Variants in COL23A1 observed in about 807,000 individuals in gnomAD.
COL23A1 encodes the protein collagen type XXIII alpha 1 chain.
COL23A1 carries 97 observed loss-of-function variants against 99.3 expected under a neutral mutation model. The ratio of observed to expected loss-of-function variants is 0.98; its 90% confidence interval spans 0.83 to 1.16. COL23A1 has a LOEUF of 1.16. Ranked by LOEUF, COL23A1 falls within the 50% of genes most tolerant of loss-of-function variation. The pLI is 0.00. For missense variants in COL23A1, 762 were observed against 757.4 expected (o/e 1.01, Z -0.07); for synonymous variants, 320 against 308.2 (o/e 1.04, Z -0.40).
At chr5:178,377,123 G>A (rs530441561) in intron 2 of COL23A1, among the ~76,000 whole-genome samples, 4 of 152,294 alleles carry the variant, frequency 2.6e-5, no homozygotes, top group East Asian at 1.9e-4. Context: ...GGGACTACGC[G>A]GGCCACGCAC....
At chr5:178,424,342 T>C (rs539864124) in intron 2 of COL23A1, among the ~76,000 whole-genome samples, 3 of 152,340 alleles carry the variant, frequency 2.0e-5, no homozygotes, top group Non-Finnish European at 4.4e-5. Context: ...GAATGTGAAA[T>C]TGGGCCTGCC....
chr5:178,243,538 A>C (rs1246465848), intron 25 of COL23A1, among the ~76,000 whole-genome samples: 1 of 151,950 alleles, frequency 6.6e-6, no homozygotes, highest in Non-Finnish European at 1.5e-5. Context: ...TGGATTCGAC[A>C]TGGTCCCTTG....
At chr5:178,408,942 C>T (rs371591249) in intron 2 of COL23A1, among the ~76,000 whole-genome samples, 16 of 116,576 alleles carry the variant, frequency 1.4e-4, no homozygotes, top group South Asian at 2.8e-4. Flanking sequence ...GCGACAAGAG[C>T]GAAACTCTGT....
At chr5:178,314,367 T>C (rs780133527) in intron 2 of COL23A1, among the ~76,000 whole-genome samples, 3 of 152,156 alleles carry the variant, frequency 2.0e-5, no homozygotes, top group Admixed American at 1.3e-4. Context: ...GGCACCGCCA[T>C]AGTCTTCGTC....
chr5:178,517,873 CTTTTTTTTTTTTTTTTTT>C (rs71577021), intron 2 of COL23A1, among the ~76,000 whole-genome samples: 3 of 97,736 alleles, frequency 3.1e-5, no homozygotes, highest in African/African-American at 1.5e-4. Flanking sequence ...AACAGCGGTT[CTTTTTTTTTTTTTTTTTT>C]TTTTTTTTTT....
chr5:178,441,324 A>G (rs977186207), intron 2 of COL23A1, among the ~76,000 whole-genome samples: 1 of 152,214 alleles, frequency 6.6e-6, no homozygotes, highest in African/African-American at 2.4e-5. Flanking sequence ...AAACTAATAC[A>G]TACACGTGCA....
chr5:178,454,467 G>T (rs1418287082), intron 2 of COL23A1, among the ~76,000 whole-genome samples: 1 of 152,208 alleles, frequency 6.6e-6, no homozygotes, highest in Non-Finnish European at 1.5e-5. Flanking sequence ...ATGCCAGGTG[G>T]GTGGGGGCAG....
At chr5:178,564,947 A>C (rs1322029006) in intron 1 of COL23A1, among the ~76,000 whole-genome samples, 2 of 152,396 alleles carry the variant, frequency 1.3e-5, no homozygotes, top group East Asian at 1.9e-4. Context: ...TAAGGGAATA[A>C]ATCAGCAGAA....
At chr5:178,538,151 G>A (rs1347902392) in intron 2 of COL23A1, among the ~76,000 whole-genome samples, 2 of 152,178 alleles carry the variant, frequency 1.3e-5, no homozygotes, top group East Asian at 1.9e-4. Flanking sequence ...AGGAGCTGAA[G>A]GGGAGATGTT....
At chr5:178,368,505 T>C (rs1207909117) in intron 2 of COL23A1, among the ~76,000 whole-genome samples, 1 of 152,156 alleles carries the variant, frequency 6.6e-6, no homozygotes, top group Non-Finnish European at 1.5e-5. Context: ...TCCTGTGGGT[T>C]TGGACGACTG....
At chr5:178,425,701 G>A (rs1765891630) in intron 2 of COL23A1, among the ~76,000 whole-genome samples, 1 of 152,232 alleles carries the variant, frequency 6.6e-6, no homozygotes, top group Non-Finnish European at 1.5e-5. Context: ...AAGCCGCGGT[G>A]AATGGCAGGC....
chr5:178,421,209 T>TAG (rs1170853019), intron 2 of COL23A1, among the ~76,000 whole-genome samples: 3 of 152,172 alleles, frequency 2.0e-5, no homozygotes, highest in African/African-American at 7.2e-5. Context: ...TTTGGAGATA[T>TAG]AGGTTGACCT....
At chr5:178,398,328 T>TA (rs1247346579) in intron 2 of COL23A1, among the ~76,000 whole-genome samples, 3 of 152,170 alleles carry the variant, frequency 2.0e-5, no homozygotes, top group Admixed American at 6.5e-5. Flanking sequence ...TTCTTTTTTT[T>TA]ATTTAAAAAA....
Position 178,358,711 on chromosome 5 carries a change from ATGTG to A in COL23A1, c.362-51796_362-51793del, listed in dbSNP as rs780096578. Among the ~76,000 whole-genome samples the A allele has an allele frequency of 4.3e-4, 60 of 139,568 alleles. 1 individual carries two copies. Among genetic ancestry groups the A allele is most frequent in the East Asian group, 1.7e-3 (8 of 4,634 alleles). The allele number at this position is 139,568 out of a possible 152,430, so 91.6% of individuals were successfully genotyped here. ...TGTGTGTATGTATGTGTATGTGTGT[ATGTG>A]TGTATGTGTATGTGTGTATGTGTAT... On this transcript the variant is annotated intron_variant, in intron 2 of 28. Transcript: ENST00000390654.
intron 2 of COL23A1, among the ~76,000 whole-genome samples, chr5:178,526,649 GAA>G (rs1760326309): frequency 1.3e-5 from 2 of 152,112 alleles, no homozygotes; most frequent in South Asian, 4.2e-4. Flanking sequence ...CTTCTTGGGG[GAA>G]GAGAGGGGCT....
chr5:178,262,201 T>C lies in COL23A1; in HGVS notation c.675+16A>G. On this transcript the variant is annotated intron_variant, in intron 10 of 28. Transcript: ENST00000390654. Reference sequence around the variant, plus strand: ...ATCCTAGCAGCCCAGGCCTCTGGAATGCCCTGGATACTGACCATCTCGCCG... The same window carrying C: ...ATCCTAGCAGCCCAGGCCTCTGGAACGCCCTGGATACTGACCATCTCGCCG... 2 of 1,577,818 alleles carry C rather than the reference T, an allele frequency of 1.3e-6. No homozygotes were observed. The highest frequency in any genetic ancestry group is 1.7e-6 in the Non-Finnish European group (2 of 1,160,976).
At chr5:178,541,331 T>C (rs1300203784) in intron 2 of COL23A1, among the ~76,000 whole-genome samples, 3 of 152,170 alleles carry the variant, frequency 2.0e-5, no homozygotes, top group East Asian at 1.9e-4. Flanking sequence ...CTCATGCCTG[T>C]AATCCCAGCA....
At chr5:178,562,052 T>G in intron 1 of COL23A1, 1 of 531,872 alleles carries the variant, frequency 1.9e-6, no homozygotes, top group Non-Finnish European at 3.6e-6. Context: ...CTGGAGTTGG[T>G]TCCTGCCGGT....
intron 2 of COL23A1, among the ~76,000 whole-genome samples, chr5:178,481,886 G>A (rs545411617): frequency 8.6e-6 from 1 of 116,868 alleles, no homozygotes; most frequent in East Asian, 3.1e-4. Context: ...GTCGGGGGAG[G>A]GGGGAGGGAT....
Sources: gnomAD v4.1 joint callset for allele counts (sites outside exome capture counted in the v4.1 genomes callset) on GRCh38, gnomAD v4.1.1 for gene constraint, MANE v1.5 for transcripts, NCBI Gene and HGNC (gene_info 2026-07-23, HGNC 2026-07-21) for gene names.